Variants in IPO9 observed in about 807,000 individuals in gnomAD.
IPO9 encodes importin 9, also known as importin-9.
In IPO9, 28 loss-of-function variants were observed where a neutral mutation model predicts 128.6. That is an observed-to-expected ratio of 0.22 (90% confidence interval 0.16 to 0.30). The LOEUF (loss-of-function observed/expected upper bound fraction) is 0.30, where lower values mean the gene tolerates loss of function less well. IPO9 is among the 10% of genes least tolerant of loss of function. The probability of loss-of-function intolerance (pLI) is 1.00; values close to 1 mark genes in which losing one functional copy is unlikely to be tolerated. For synonymous variants in IPO9, 455 were observed against 475.8 expected (o/e 0.96, Z 0.57); for missense variants, 935 against 1,293.9 (o/e 0.72, Z 4.26).
At chr1:201,864,466 C>T (rs1680512650) in intron 14 of IPO9, among the ~76,000 whole-genome samples, 1 of 152,152 alleles carries the variant, frequency 6.6e-6, no homozygotes, top group Non-Finnish European at 1.5e-5. Flanking sequence ...GAAGAGAGAG[C>T]CCTAAGCTGC....
At position 201,852,098 on chromosome 1, in the gene IPO9, T is replaced by A. The variant is rs2102876863; in HGVS notation, c.515-6T>A. 1.3e-6 allele frequency: 2 copies of A among 1,591,868 alleles called. No individual in the cohort carries two copies. The highest frequency in any genetic ancestry group is 4.5e-5 in the East Asian group (2 of 44,748). On this transcript the variant is annotated splice_region_variant and splice_polypyrimidine_tract_variant and intron_variant, in intron 4 of 23. Transcript: ENST00000361565. ...TTTTTTAACAGTACTACTTTTTTCT[T>A]TGTAGAATTCACTCGTGAAGTAACA...
At chr1:201,856,055 T>C (rs2102879358) in intron 10 of IPO9, 121 bp downstream of exon 10, 3 of 786,342 alleles carry the variant, frequency 3.8e-6, no homozygotes, top group East Asian at 6.1e-5. Flanking sequence ...AATAATTTCA[T>C]GTGAAGTTCT....
At chr1:201,857,629 C>G (rs573330352) in intron 11 of IPO9, among the ~76,000 whole-genome samples, 15 of 152,128 alleles carry the variant, frequency 9.9e-5, no homozygotes, top group Non-Finnish European at 1.5e-4. Context: ...AACCCCATCT[C>G]TACTAAACAT....
chr1:201,848,167 A>G (rs940081091), intron 3 of IPO9, among the ~76,000 whole-genome samples: 1 of 152,210 alleles, frequency 6.6e-6, no homozygotes, highest in African/African-American at 2.4e-5. Context: ...AAATTTTTTA[A>G]AATGTTAATA....
chr1:201,829,518 C>A, intron 1 of IPO9, 146 bp downstream of exon 1: 1 of 631,820 alleles, frequency 1.6e-6, no homozygotes, highest in Non-Finnish European at 2.1e-6. Context: ...ATTGATGTCG[C>A]TGGTGGTTGT....
rs113909351 is a variant in IPO9, at chr1:201,855,796, C to T, written c.984C>T (p.Gly328=). 6.2e-7 allele frequency: 1 copy of T among 1,610,008 alleles called. No individual in the cohort carries two copies. The highest frequency in any genetic ancestry group is 1.7e-5 in the Admixed American group (1 of 58,786). The part of the protein sequence containing the change: ...DPVDSDGEVL[G]FENLVFSIFE... ...TATTTCCTGCAGGTGAAGTCCTGGGCTTTGAAAATCTCGTCTTTAGCATTT... is the reference window on the plus strand; with the variant it reads ...TATTTCCTGCAGGTGAAGTCCTGGGTTTTGAAAATCTCGTCTTTAGCATTT... Residue 328 remains glycine (G), a synonymous_variant, in exon 10 of 24, where the codon GGC becomes GGT. Transcript: ENST00000361565.
chr1:201,849,045 A>G (rs1397578218), intron 4 of IPO9, among the ~76,000 whole-genome samples: 5 of 152,226 alleles, frequency 3.3e-5, no homozygotes, highest in South Asian at 2.1e-4. Context: ...ATTACTATAT[A>G]TTATTTGTCC....
chr1:201,871,367 C>T (rs1680648688), intron 19 of IPO9, 40 bp downstream of exon 19: 2 of 540,554 alleles, frequency 3.7e-6, no homozygotes, highest in African/African-American at 2.2e-5. Context: ...TCTGCCACCA[C>T]TCATATTTCT....
intron 5 of IPO9, among the ~76,000 whole-genome samples, chr1:201,852,507 G>C (rs1291964279): frequency 1.3e-5 from 2 of 152,104 alleles, no homozygotes; most frequent in African/African-American, 4.8e-5. Flanking sequence ...ACCTACGCTT[G>C]CCTACCTCAG....
intron 15 of IPO9, among the ~76,000 whole-genome samples, chr1:201,868,205 C>T (rs1485456780): frequency 3.3e-5 from 5 of 152,102 alleles, no homozygotes; most frequent in Admixed American, 2.0e-4. Flanking sequence ...TCATGTCTAC[C>T]GTGGCTACCC....
chr1:201,866,994 C>T, intron 15 of IPO9, 35 bp downstream of exon 15: 1 of 1,528,924 alleles, frequency 6.5e-7, no homozygotes, highest in Non-Finnish European at 9.1e-7. Context: ...ATGAGGGGCA[C>T]CAAAGAAAAG....
chr1:201,859,042 G>T (rs375372679), intron 13 of IPO9, 48 bp downstream of exon 13: 19 of 1,575,478 alleles, frequency 1.2e-5, no homozygotes, highest in Middle Eastern at 1.7e-4. Flanking sequence ...TAAACCTGTT[G>T]TGGGGTTGGG....
chr1:201,836,602 T>G (rs962453304), intron 1 of IPO9, among the ~76,000 whole-genome samples: 11 of 149,904 alleles, frequency 7.3e-5, no homozygotes, highest in African/African-American at 2.7e-4. Flanking sequence ...TCATACTCCT[T>G]GGAAACAATT....
chr1:201,829,418 C>A (rs779451462), intron 1 of IPO9, 46 bp downstream of exon 1: 3 of 1,497,768 alleles, frequency 2.0e-6, no homozygotes, highest in Non-Finnish European at 2.7e-6. Flanking sequence ...CCGCACAATC[C>A]GCTGACCGCA....
At chr1:201,875,906 C>T (rs926512894) in intron 23 of IPO9, 38 bp from the exon 24 acceptor site, 37 of 1,298,800 alleles carry the variant, frequency 2.8e-5, no homozygotes, top group Non-Finnish European at 3.5e-5. Context: ...GGGTGACTTG[C>T]AATGTCTCAC....
intron 13 of IPO9, 114 bp from the exon 14 acceptor site, chr1:201,863,334 A>G: frequency 9.6e-7 from 1 of 1,037,600 alleles, no homozygotes; most frequent in Non-Finnish European, 1.4e-6. Context: ...CCTGGGTGAC[A>G]GAGTGAGACT....
intron 1 of IPO9, among the ~76,000 whole-genome samples, chr1:201,835,432 GA>G (rs1395075996): frequency 6.6e-6 from 1 of 152,238 alleles, no homozygotes; most frequent in Non-Finnish European, 1.5e-5. Flanking sequence ...ACTAGAGAAT[GA>G]AAGAGGGCAG....
chr1:201,843,510 A>C lies in IPO9; in HGVS notation c.164-3769A>C, dbSNP rs867690666. On this transcript the variant is annotated intron_variant, in intron 1 of 23. Coordinates refer to ENST00000361565, the MANE Select transcript of IPO9 (RefSeq NM_018085.5). ...CCTTCAGGAGCTACTTCAGGAACCA[A>C]GGACAAAAGCCAAATACTTTTTAAG... 2.6e-5 allele frequency among the ~76,000 whole-genome samples: 4 copies of C among 152,380 alleles called. No individual in the cohort carries two copies. In the Middle Eastern group the frequency reaches 0.01, roughly 389 times the overall value.
chr1:201,845,914 C>T (rs1680117362), intron 1 of IPO9, among the ~76,000 whole-genome samples: 1 of 152,170 alleles, frequency 6.6e-6, no homozygotes, highest in Non-Finnish European at 1.5e-5. Context: ...AAATATTTGA[C>T]AGTTGACTCC....
Sources: allele counts gnomAD v4.1 joint callset (sites outside exome capture counted in the v4.1 genomes callset), GRCh38; gene constraint gnomAD v4.1.1; transcripts MANE v1.5; gene names NCBI Gene and HGNC (gene_info 2026-07-23, HGNC 2026-07-21).